The following CLDN10 variants were observed in gnomAD, a reference collection of about 807,000 sequenced individuals.
CLDN10 encodes claudin-10.
Under a neutral mutation model 22.9 loss-of-function variants are expected in CLDN10, and 15 were observed. That is an observed-to-expected ratio of 0.65 (90% CI 0.44 to 1.01). The LOEUF is 1.01. Among genes scored for constraint, CLDN10 ranks in the 50% least tolerant of loss-of-function variants. The pLI is 0.00. For synonymous variants in CLDN10, 114 were observed against 111.4 expected (o/e 1.02, Z -0.15); for missense variants, 247 against 287.8 (o/e 0.86, Z 1.03).
chr13:95,560,296 A>G lies in CLDN10; in HGVS notation c.382+3A>G. 1 of 1,614,034 alleles carries G rather than the reference A, an allele frequency of 6.2e-7. No individual in the cohort carries two copies. Among genetic ancestry groups the G allele is most frequent in the Non-Finnish European group, 8.5e-7 (1 of 1,179,884 alleles). ...TGGGATTGTATTCATACTGTCAGGT[A>G]AATAGTAACTTTCTTCCAAACAAGG... On this transcript the variant is annotated splice_donor_region_variant and intron_variant, in intron 2 of 4. Transcript: ENST00000299339.
At chr13:95,556,380 T>C (rs1039948243) in intron 1 of CLDN10, among the ~76,000 whole-genome samples, 4 of 152,076 alleles carry the variant, frequency 2.6e-5, no homozygotes, top group African/African-American at 9.7e-5. Context: ...CTGATTCCCC[T>C]CCCCTAGGGG....
chr13:95,575,378 T>C (rs555445202), intron 3 of CLDN10, among the ~76,000 whole-genome samples: 1 of 152,202 alleles, frequency 6.6e-6, no homozygotes, highest in Admixed American at 6.5e-5. Flanking sequence ...AGGGGCCAAA[T>C]GACATGCACC....
intron 3 of CLDN10, among the ~76,000 whole-genome samples, chr13:95,567,310 G>C (rs1239197629): frequency 1.3e-5 from 2 of 152,128 alleles, no homozygotes; most frequent in African/African-American, 4.8e-5. Context: ...GCAGTGGTTT[G>C]TAGTTCTCCT....
intron 1 of CLDN10, among the ~76,000 whole-genome samples, chr13:95,473,979 G>A (rs2042660799): frequency 6.6e-6 from 1 of 152,244 alleles, no homozygotes; most frequent in Admixed American, 6.5e-5. Context: ...GACCGGTTTC[G>A]TGGAAGACAG....
chr13:95,495,760 A>AAAAAAAG (rs1162651391), intron 1 of CLDN10, among the ~76,000 whole-genome samples: 29 of 129,362 alleles, frequency 2.2e-4, no homozygotes, highest in African/African-American at 6.2e-4. Context: ...AAAAAAAAAG[A>AAAAAAAG]AAAGAAAGAA....
At chr13:95,490,799 C>A (rs892950843) in intron 1 of CLDN10, among the ~76,000 whole-genome samples, 2 of 152,060 alleles carry the variant, frequency 1.3e-5, no homozygotes, top group African/African-American at 4.8e-5. Flanking sequence ...AGTTTAAATC[C>A]TTTGTTTCTT....
intron 1 of CLDN10, among the ~76,000 whole-genome samples, chr13:95,528,993 G>A (rs1048283692): frequency 1.3e-5 from 2 of 152,062 alleles, no homozygotes; most frequent in Non-Finnish European, 2.9e-5. Context: ...CCAATCAAGG[G>A]TGTTTTGTTT....
intron 1 of CLDN10, among the ~76,000 whole-genome samples, chr13:95,493,617 G>A (rs903653934): frequency 1.4e-5 from 2 of 147,444 alleles, no homozygotes; most frequent in Non-Finnish European, 3.0e-5. Context: ...GGAGTACAAT[G>A]GCATGATCTT....
At chr13:95,555,673 C>T (rs902381525) in intron 1 of CLDN10, among the ~76,000 whole-genome samples, 23 of 152,166 alleles carry the variant, frequency 1.5e-4, no homozygotes, top group African/African-American at 5.1e-4. Context: ...CATTTCTTAC[C>T]GCAAAACAAA....
In CLDN10 at chr13:95,442,038, C is replaced by A. The variant is rs550221384; in HGVS notation, c.214+7991C>A. On this transcript the variant is annotated intron_variant, in intron 1 of 4. Coordinates refer to the CLDN10 transcript ENST00000376873. Reference sequence around the variant, plus strand: ...TGATGGTGGGCACCTATAGTCCCAGCTACTCAGGAGGCTGAGGTGGAAGGA... The same window carrying A: ...TGATGGTGGGCACCTATAGTCCCAGATACTCAGGAGGCTGAGGTGGAAGGA... Among the ~76,000 whole-genome samples, 18 of 152,302 alleles carry A rather than the reference C, an allele frequency of 1.2e-4. No homozygotes were observed. In the South Asian group the frequency reaches 3.7e-3, roughly 32 times the overall value.
chr13:95,561,153 A>G (rs2043706521), intron 3 of CLDN10, among the ~76,000 whole-genome samples: 2 of 152,208 alleles, frequency 1.3e-5, no homozygotes, highest in African/African-American at 2.4e-5. Flanking sequence ...CAGAATTAAT[A>G]TATTAAATAT....
intron 1 of CLDN10, among the ~76,000 whole-genome samples, chr13:95,465,866 T>A (rs1476086511): frequency 6.6e-6 from 1 of 152,182 alleles, no homozygotes; most frequent in East Asian, 1.9e-4. Context: ...ATCTGGGAGT[T>A]AATGAACTTG....
chr13:95,569,832 G>A (rs2043832367), intron 3 of CLDN10, among the ~76,000 whole-genome samples: 1 of 150,696 alleles, frequency 6.6e-6, no homozygotes, highest in Non-Finnish European at 1.5e-5. Context: ...GCAGTGGTGA[G>A]ATCTCGGCTC....
chr13:95,443,493 A>G (rs1344108430), intron 1 of CLDN10, among the ~76,000 whole-genome samples: 1 of 152,166 alleles, frequency 6.6e-6, no homozygotes, highest in East Asian at 1.9e-4. Flanking sequence ...GAAGCGGGAG[A>G]CATGGCATGG....
chr13:95,511,656 G>A (rs953167509), intron 1 of CLDN10, among the ~76,000 whole-genome samples: 3 of 145,194 alleles, frequency 2.1e-5, no homozygotes, highest in Non-Finnish European at 3.0e-5. Flanking sequence ...GTTTGTTTGT[G>A]TTCTGTTTGT....
At chr13:95,439,240 C>T (rs1370953063) in intron 1 of CLDN10, among the ~76,000 whole-genome samples, 1 of 152,108 alleles carries the variant, frequency 6.6e-6, no homozygotes, top group African/African-American at 2.4e-5. Flanking sequence ...AATCGAGACA[C>T]TGGCAGATTC....
intron 1 of CLDN10, among the ~76,000 whole-genome samples, chr13:95,444,667 A>G (rs2042355259): frequency 6.6e-6 from 1 of 152,268 alleles, no homozygotes; most frequent in African/African-American, 2.4e-5. Context: ...TTTTAGGCTA[A>G]GGGACTCATC....
chr13:95,546,744 C>T (rs995368817), intron 1 of CLDN10, among the ~76,000 whole-genome samples: 31 of 152,192 alleles, frequency 2.0e-4, no homozygotes, highest in African/African-American at 7.0e-4. Context: ...GTATTGCTTC[C>T]CACTCCTTAC....
At chr13:95,528,189 G>A (rs1452116417) in intron 1 of CLDN10, among the ~76,000 whole-genome samples, 1 of 152,168 alleles carries the variant, frequency 6.6e-6, no homozygotes, top group Non-Finnish European at 1.5e-5. Flanking sequence ...CGTGTTGTGG[G>A]AGGGACACAG....
Sources: gnomAD v4.1 joint callset for allele counts (sites outside exome capture counted in the v4.1 genomes callset) on GRCh38, gnomAD v4.1.1 for gene constraint, MANE v1.5 for transcripts, NCBI Gene and HGNC (gene_info 2026-07-23, HGNC 2026-07-21) for gene names.